GALNT17: variants seen among roughly 807,000 people sequenced by gnomAD.
GALNT17 encodes the protein UDP-GalNAc:polypeptide N-acetylgalactosaminyltransferase-like 3.
GALNT17 carries 29 observed loss-of-function variants against 63.7 expected under a neutral mutation model. That is an observed-to-expected ratio of 0.46 (90% CI 0.34 to 0.62). The LOEUF (loss-of-function observed/expected upper bound fraction) is 0.62, where lower values mean the gene tolerates loss of function less well. Among genes scored for constraint, GALNT17 ranks in the 20% least tolerant of loss-of-function variants. The pLI is 0.01. For synonymous variants in GALNT17, 305 were observed against 318.3 expected (o/e 0.96, Z 0.45); for missense variants, 603 against 799.6 (o/e 0.75, Z 2.97).
At chr7:71,516,829 A>G (rs1052088091) in intron 5 of GALNT17, among the ~76,000 whole-genome samples, 1 of 152,134 alleles carries the variant, frequency 6.6e-6, no homozygotes, top group African/African-American at 2.4e-5. Context: ...CCTCCAAGAT[A>G]ACTACTTTTA....
intron 6 of GALNT17, among the ~76,000 whole-genome samples, chr7:71,661,339 A>C (rs968450146): frequency 6.6e-6 from 1 of 152,090 alleles, no homozygotes; most frequent in African/African-American, 2.4e-5. Context: ...CATCTGTGAT[A>C]AGCTGATGAG....
At chr7:71,555,049 T>C (rs1215838620) in intron 5 of GALNT17, among the ~76,000 whole-genome samples, 1 of 152,030 alleles carries the variant, frequency 6.6e-6, no homozygotes, top group African/African-American at 2.4e-5. Flanking sequence ...GAGCCAGCAT[T>C]ACGTGGTGAG....
At chr7:71,590,210 T>C (rs1789778433) in intron 6 of GALNT17, among the ~76,000 whole-genome samples, 1 of 152,200 alleles carries the variant, frequency 6.6e-6, no homozygotes, top group Admixed American at 6.6e-5. Flanking sequence ...TTTTTATAAA[T>C]GATGTCTAAT....
chr7:71,349,231 C>T (rs571863260), intron 2 of GALNT17, among the ~76,000 whole-genome samples: 63 of 111,116 alleles, frequency 5.7e-4, no homozygotes, highest in African/African-American at 3.2e-3. Flanking sequence ...ACGGTGCTTT[C>T]GTAACAAGCT....
In GALNT17 at chr7:71,434,577, G is replaced by C. The variant is rs543313662; in HGVS notation, c.962+13472G>C. On this transcript the variant is annotated intron_variant, in intron 5 of 10. Transcript: ENST00000333538. ...ATTCTCCACCTTTCTTTTTTTCCCT[G>C]TCCTGCTAGTCTTCCAATAACAGAG... 2.0e-5 allele frequency among the ~76,000 whole-genome samples: 3 copies of C among 152,194 alleles called. No homozygotes were observed. The South Asian group carries it at 6.2e-4, about 32-fold the overall frequency.
intron 1 of GALNT17, among the ~76,000 whole-genome samples, chr7:71,238,626 G>A (rs1789938530): frequency 6.6e-6 from 1 of 152,178 alleles, no homozygotes; most frequent in Admixed American, 6.5e-5. Flanking sequence ...GATTCTGTGT[G>A]TGTTCTGGCT....
chr7:71,358,073 G>C (rs1792322623), intron 2 of GALNT17, among the ~76,000 whole-genome samples: 1 of 152,196 alleles, frequency 6.6e-6, no homozygotes, highest in Admixed American at 6.5e-5. Context: ...TTGTTCTTTG[G>C]CTCTTCACAA....
At chr7:71,250,369 T>C (rs1454632983) in intron 1 of GALNT17, among the ~76,000 whole-genome samples, 1 of 152,200 alleles carries the variant, frequency 6.6e-6, no homozygotes, top group Non-Finnish European at 1.5e-5. Context: ...ACCAGCAAAC[T>C]TCTGGGTATT....
At chr7:71,510,784 A>G (rs548296543) in intron 5 of GALNT17, among the ~76,000 whole-genome samples, 33 of 152,172 alleles carry the variant, frequency 2.2e-4, no homozygotes, top group African/African-American at 7.2e-4. Context: ...TGTTCATTCT[A>G]TTGATTGCAT....
chr7:71,505,686 G>A (rs1043534744), intron 5 of GALNT17, among the ~76,000 whole-genome samples: 20 of 152,288 alleles, frequency 1.3e-4, no homozygotes, highest in African/African-American at 4.6e-4. Flanking sequence ...GGAAGGCCAT[G>A]TGCTTCTCCT....
intron 1 of GALNT17, among the ~76,000 whole-genome samples, chr7:71,138,317 G>C (rs1787824786): frequency 1.1e-5 from 1 of 95,070 alleles, no homozygotes; most frequent in South Asian, 3.4e-4. Flanking sequence ...CAGCCTTCTG[G>C]CTCAAAAGAA....
intron 5 of GALNT17, among the ~76,000 whole-genome samples, chr7:71,424,736 G>A (rs141978003): frequency 3.3e-4 from 51 of 152,246 alleles, no homozygotes; most frequent in South Asian, 1.0e-3. Context: ...ATTATTAAGC[G>A]GATACAATAT....
rs1563047568 is a variant in GALNT17, at chr7:71,377,112, A to ATATAT, written c.423-11123_423-11122insTATAT. 7.7e-4 allele frequency among the ~76,000 whole-genome samples: 44 copies of ATATAT among 57,218 alleles called. 2 individuals carry two copies. The highest frequency in any genetic ancestry group is 2.8e-3 in the East Asian group (5 of 1,784). 37.5% of individuals were successfully genotyped at this position (57,218 alleles called of 152,430 possible). ...AAAAAAAAAAAAAATAAAAATAAAA[A>ATATAT]AAATATATATATATATATATATATA... On this transcript the variant is annotated intron_variant, in intron 2 of 10. Coordinates refer to ENST00000333538, the MANE Select transcript of GALNT17 (RefSeq NM_022479.3).
intron 5 of GALNT17, among the ~76,000 whole-genome samples, chr7:71,436,726 AAAT>A (rs1478954223): frequency 6.6e-6 from 1 of 150,912 alleles, no homozygotes; most frequent in Non-Finnish European, 1.5e-5. Flanking sequence ...CTCAAAAAAA[AAAT>A]AAAAAATAAA....
At chr7:71,532,071 T>C (rs1380552753) in intron 5 of GALNT17, among the ~76,000 whole-genome samples, 3 of 152,130 alleles carry the variant, frequency 2.0e-5, no homozygotes, top group African/African-American at 7.2e-5. Flanking sequence ...ACTTCATGAG[T>C]TCCCAAGTAC....
chr7:71,712,217 G>C lies in GALNT17; in HGVS notation c.*71G>C. On this transcript the variant is annotated 3_prime_UTR_variant, in exon 11 of 11. Transcript: ENST00000333538. ...GCTCCCCCCAACATCTGGACCAGCT[G>C]CCCTGGCGGAGAGACAGCAAGGGGC... The C allele has an allele frequency of 6.4e-7, 1 of 1,561,918 alleles. No individual in the cohort carries two copies. The highest frequency in any genetic ancestry group is 8.7e-7 in the Non-Finnish European group (1 of 1,155,616).
At position 71,453,512 on chromosome 7, in the gene GALNT17, A is replaced by G. The variant is rs549516618; in HGVS notation, c.962+32407A>G. On this transcript the variant is annotated intron_variant, in intron 5 of 10. Coordinates refer to ENST00000333538, the MANE Select transcript of GALNT17 (RefSeq NM_022479.3). ...AAAACCATCAGATCTCATGAGACTT[A>G]TTCACTACCATGAGAGCAGGTTGGG... Among the ~76,000 whole-genome samples the G allele has an allele frequency of 7.9e-4, 120 of 152,312 alleles. 4 individuals are homozygous for G. In the South Asian group the frequency reaches 0.024, roughly 31 times the overall value.
At chr7:71,297,884 A>G (rs1791111019) in intron 1 of GALNT17, among the ~76,000 whole-genome samples, 2 of 152,248 alleles carry the variant, frequency 1.3e-5, no homozygotes, top group South Asian at 2.1e-4. Flanking sequence ...GGAACAGGCA[A>G]ACATCATCTC....
chr7:71,268,236 A>AC (rs1375571866), intron 1 of GALNT17, among the ~76,000 whole-genome samples: 7 of 150,870 alleles, frequency 4.6e-5, no homozygotes, highest in Non-Finnish European at 8.9e-5. Flanking sequence ...ATTTAAGCAA[A>AC]CCCCCCATAC....
Sources: gnomAD v4.1 joint callset for allele counts (sites outside exome capture counted in the v4.1 genomes callset) on GRCh38, gnomAD v4.1.1 for gene constraint, MANE v1.5 for transcripts, NCBI Gene and HGNC (gene_info 2026-07-23, HGNC 2026-07-21) for gene names.